The following RETREG1 variants were observed in gnomAD, a reference collection of about 807,000 sequenced individuals.
RETREG1 encodes the protein reticulophagy regulator 1.
RETREG1 carries 44 observed loss-of-function variants against 54.8 expected under a neutral mutation model. The observed-to-expected ratio is 0.80, with a 90% confidence interval of 0.63 to 1.03. RETREG1 has a LOEUF of 1.03. Among genes scored for constraint, RETREG1 ranks in the 50% least tolerant of loss-of-function variants. The pLI is 0.00. For missense variants in RETREG1, 554 were observed against 605.1 expected (o/e 0.92, Z 0.89); for synonymous variants, 217 against 238.5 (o/e 0.91, Z 0.83).
rs1168070145 is a variant in RETREG1 at position 16,616,843 on chromosome 5, TTCC to T, written c.126_128del (p.Glu43del). On this transcript the variant is annotated inframe_deletion, in exon 1 of 9. Coordinates refer to ENST00000306320, the MANE Select transcript of RETREG1 (RefSeq NM_001034850.3). Reference sequence around the variant, plus strand: ...CCTCCGCCGCCCCAGCTTCCTGCGCTTCCTCCTCCTGCTGCTGCCGCTCTGCGG... The same window carrying T: ...CCTCCGCCGCCCCAGCTTCCTGCGCTTCCTCCTGCTGCTGCCGCTCTGCGG... 4 of 1,512,568 alleles carry T rather than the reference TTCC, an allele frequency of 2.6e-6. No homozygotes were observed. Among genetic ancestry groups the T allele is most frequent in the African/African-American group, 2.9e-5 (2 of 69,416 alleles). The allele number at this position is 1,512,568 out of a possible 1,614,324, so 93.7% of individuals were successfully genotyped here.
intron 3 of RETREG1, among the ~76,000 whole-genome samples, chr5:16,505,065 A>G (rs1311331520): frequency 6.6e-6 from 1 of 152,242 alleles, no homozygotes. Context: ...TTCGGCTTTA[A>G]AAGTGCTTTG....
intron 3 of RETREG1, among the ~76,000 whole-genome samples, chr5:16,546,161 G>T (rs1741379527): frequency 6.6e-6 from 1 of 152,138 alleles, no homozygotes; most frequent in Non-Finnish European, 1.5e-5. Flanking sequence ...CACAAATCTT[G>T]AAATTTTATA....
chr5:16,607,138 T>C (rs1427066677), intron 1 of RETREG1, among the ~76,000 whole-genome samples: 1 of 152,202 alleles, frequency 6.6e-6, no homozygotes, highest in Non-Finnish European at 1.5e-5. Context: ...CTTCTGTCAC[T>C]CTCTATCCCT....
At chr5:16,545,516 C>T (rs1254304161) in intron 3 of RETREG1, among the ~76,000 whole-genome samples, 3 of 152,126 alleles carry the variant, frequency 2.0e-5, no homozygotes, top group Non-Finnish European at 4.4e-5. Context: ...ACGCAGAAAG[C>T]ATTCAGCACA....
At position 16,480,529 on chromosome 5, in the gene RETREG1, T is replaced by C. The variant is rs575140050; in HGVS notation, c.670+480A>G. ...AGTTTTTAAGAAACTGCCAAACTGT[T>C]ATCCAAAGTGATTTTAACATTCTAC... On this transcript the variant is annotated intron_variant, in intron 5 of 8. Transcript: ENST00000306320. 3.3e-5 allele frequency among the ~76,000 whole-genome samples: 5 copies of C among 152,240 alleles called. No homozygotes were observed. The South Asian group carries it at 1.0e-3, about 32-fold the overall frequency.
At chr5:16,537,307 G>C (rs1042150345) in intron 3 of RETREG1, among the ~76,000 whole-genome samples, 2 of 152,196 alleles carry the variant, frequency 1.3e-5, no homozygotes, top group Non-Finnish European at 2.9e-5. Flanking sequence ...GGTTGAAACC[G>C]CAGGCGTGAG....
intron 3 of RETREG1, among the ~76,000 whole-genome samples, chr5:16,505,691 T>C (rs771699692): frequency 5.3e-5 from 8 of 152,166 alleles, no homozygotes; most frequent in Non-Finnish European, 8.8e-5. Context: ...CAGCCCAGGC[T>C]GCTTGCTGAA....
At chr5:16,612,837 C>T (rs1166663866) in intron 1 of RETREG1, among the ~76,000 whole-genome samples, 1 of 152,068 alleles carries the variant, frequency 6.6e-6, no homozygotes, top group Non-Finnish European at 1.5e-5. Context: ...TCGAGAATGT[C>T]TTTTATTTTC....
intron 1 of RETREG1, among the ~76,000 whole-genome samples, chr5:16,576,380 C>T (rs1742318430): frequency 6.6e-6 from 1 of 151,740 alleles, no homozygotes; most frequent in African/African-American, 2.4e-5. Context: ...GCAACCTCCA[C>T]CTCCTGGGTT....
intron 3 of RETREG1, among the ~76,000 whole-genome samples, chr5:16,492,178 A>G (rs1171954618): frequency 2.7e-5 from 4 of 149,476 alleles, no homozygotes; most frequent in African/African-American, 7.4e-5. Flanking sequence ...CCCGCTGGAG[A>G]ACATTTTCAG....
At chr5:16,477,948 A>G (rs776807879) in intron 7 of RETREG1, 86 bp downstream of exon 7, 1 of 1,335,114 alleles carries the variant, frequency 7.5e-7, no homozygotes, top group Non-Finnish European at 1.1e-6. Context: ...TGAGGAGTTT[A>G]TTAGGAAGAT....
intron 3 of RETREG1, among the ~76,000 whole-genome samples, chr5:16,525,993 T>A (rs1740705932): frequency 6.6e-6 from 1 of 152,222 alleles, no homozygotes; most frequent in Admixed American, 6.5e-5. Context: ...TCATTCACAC[T>A]GCGGAAGATA....
intron 7 of RETREG1, 33 bp from the exon 8 acceptor site, chr5:16,477,821 T>A: frequency 6.2e-6 from 10 of 1,612,556 alleles, no homozygotes; most frequent in Non-Finnish European, 8.5e-6. Context: ...CAGCGGCACA[T>A]TTTAAACTGC....
intron 3 of RETREG1, among the ~76,000 whole-genome samples, chr5:16,523,670 A>C (rs1740607913): frequency 6.6e-6 from 1 of 152,138 alleles, no homozygotes; most frequent in Non-Finnish European, 1.5e-5. Context: ...ATCCACGCTC[A>C]AAGAGGGAGG....
At chr5:16,589,298 T>G (rs1742696165) in intron 1 of RETREG1, among the ~76,000 whole-genome samples, 1 of 151,800 alleles carries the variant, frequency 6.6e-6, no homozygotes, top group Non-Finnish European at 1.5e-5. Flanking sequence ...GGGAGAAAGA[T>G]GTTTTCAAAA....
At chr5:16,576,327 T>G (rs173962) in intron 1 of RETREG1, among the ~76,000 whole-genome samples, 5,020 of 147,904 alleles carry the variant, frequency 0.034, 277 homozygotes, top group African/African-American at 0.12. Context: ...GGAGTCTTGC[T>G]CTGTCGCCAG....
At chr5:16,588,744 G>C (rs1191403187) in intron 1 of RETREG1, among the ~76,000 whole-genome samples, 1 of 152,236 alleles carries the variant, frequency 6.6e-6, no homozygotes, top group African/African-American at 2.4e-5. Flanking sequence ...TTTAAGATCA[G>C]AGAGGCCACA....
intron 1 of RETREG1, among the ~76,000 whole-genome samples, chr5:16,611,958 G>A (rs527453009): frequency 1.3e-5 from 2 of 151,938 alleles, no homozygotes; most frequent in African/African-American, 2.4e-5. Flanking sequence ...CCAGCTACTC[G>A]GGAGGCTGAG....
intron 1 of RETREG1, among the ~76,000 whole-genome samples, chr5:16,577,472 C>T (rs1441227281): frequency 1.3e-5 from 2 of 151,968 alleles, no homozygotes; most frequent in South Asian, 2.1e-4. Flanking sequence ...ACTCCTGCTT[C>T]GAGTAATAGC....
Sources: allele counts gnomAD v4.1 joint callset (sites outside exome capture counted in the v4.1 genomes callset), GRCh38; gene constraint gnomAD v4.1.1; transcripts MANE v1.5; gene names NCBI Gene and HGNC (gene_info 2026-07-23, HGNC 2026-07-21).